The following ZFHX3 variants were observed in gnomAD, a reference collection of about 807,000 sequenced individuals.
ZFHX3 encodes zinc finger homeobox 3, also known as zinc finger homeobox protein 3.
In ZFHX3, 42 loss-of-function variants were observed where a neutral mutation model predicts 279.1. The ratio of observed to expected loss-of-function variants is 0.15; its 90% confidence interval spans 0.12 to 0.19. The LOEUF (loss-of-function observed/expected upper bound fraction) is 0.19, where lower values mean the gene tolerates loss of function less well. ZFHX3 is among the 10% of genes least tolerant of loss of function. The pLI is 1.00. For missense variants in ZFHX3, 4,981 were observed against 4,754.0 expected (o/e 1.05, Z -1.40); for synonymous variants, 2,293 against 1,957.8 (o/e 1.17, Z -4.52).
upstream of ZFHX3, chr16:73,061,833 G>C (rs1371410741): frequency 6.6e-6 from 1 of 152,072 alleles, no homozygotes; most frequent in East Asian, 1.9e-4. Context: ...TGAACTTGCA[G>C]CTTGTTTCTT....
At chr16:73,216,624 T>G (rs191436824) in intron 5 of ZFHX3, among the ~76,000 whole-genome samples, 2 of 152,216 alleles carry the variant, frequency 1.3e-5, no homozygotes, top group East Asian at 3.9e-4. Flanking sequence ...ATCATTTGAC[T>G]ACAAAAGACA....
At chr16:73,216,984 T>C (rs1312513783) in intron 5 of ZFHX3, among the ~76,000 whole-genome samples, 3 of 152,134 alleles carry the variant, frequency 2.0e-5, no homozygotes, top group Non-Finnish European at 2.9e-5. Flanking sequence ...AAGTTCTCCC[T>C]TAGGATTTCA....
chr16:73,061,962 TA>T (rs1965689614), upstream of ZFHX3: 1 of 152,158 alleles, frequency 6.6e-6, no homozygotes, highest in Non-Finnish European at 1.5e-5. Flanking sequence ...ATCTGGTAAA[TA>T]CTTATGCTAA....
chr16:73,606,486 C>CAAAAAAAAAA (rs57861119), intron 2 of ZFHX3, among the ~76,000 whole-genome samples: 1 of 133,792 alleles, frequency 7.5e-6, no homozygotes, highest in African/African-American at 2.8e-5. Flanking sequence ...GACTTTGTCT[C>CAAAAAAAAAA]AAAAAAAAAA....
At chr16:73,266,755 G>A (rs886745154) in intron 4 of ZFHX3, among the ~76,000 whole-genome samples, 4 of 152,226 alleles carry the variant, frequency 2.6e-5, no homozygotes, top group Non-Finnish European at 2.9e-5. Flanking sequence ...CTCAAAAGAT[G>A]TCACGGTTTT....
intron 4 of ZFHX3, among the ~76,000 whole-genome samples, chr16:73,313,057 T>C (rs180908935): frequency 6.6e-6 from 1 of 152,280 alleles, no homozygotes; most frequent in Admixed American, 6.5e-5. Flanking sequence ...GGTGACTGGA[T>C]CATGGGGGCA....
intron 1 of ZFHX3, among the ~76,000 whole-genome samples, chr16:73,883,588 T>C (rs2030248594): frequency 6.6e-6 from 1 of 152,022 alleles, no homozygotes; most frequent in Non-Finnish European, 1.5e-5. Context: ...CTTTCTTCCG[T>C]GTACAAAAAT....
chr16:72,958,320 G>A lies in ZFHX3; in HGVS notation c.1826C>T (p.Thr609Ile). ...NATAPEPNESTEGDDGGFVPH... is the reference protein window; with the variant it reads ...NATAPEPNESIEGDDGGFVPH... The stretch of plus-strand genomic sequence containing the variant: ...AACGAAGCCCCCATCGTCACCCTCT[G>A]TGCTTTCATTTGGTTCTGGTGCTGT... The change falls in exon 2 of 10, where the codon ACA becomes ATA. Residue 609 changes from threonine (T) to isoleucine (I), a missense_variant. Physicochemically the swap from Thr to Ile is moderately conservative, Grantham distance 89. Transcript: ENST00000268489. The A allele has an allele frequency of 6.2e-7, 1 of 1,614,082 alleles. No homozygotes were observed. Among genetic ancestry groups the A allele is most frequent in the African/African-American group, 1.3e-5 (1 of 75,042 alleles).
intron 1 of ZFHX3, among the ~76,000 whole-genome samples, chr16:72,969,484 C>G (rs1962003344): frequency 6.6e-6 from 1 of 152,072 alleles, no homozygotes; most frequent in East Asian, 1.9e-4. Context: ...AAAAGTGATT[C>G]TAAGTAAAAG....
chr16:73,333,802 GACC>G (rs1457280755), intron 3 of ZFHX3, among the ~76,000 whole-genome samples: 1,131 of 42,214 alleles, frequency 0.027, 35 homozygotes, highest in African/African-American at 0.079. Flanking sequence ...CACCCCAAGA[GACC>G]AAAAAAAAAA....
chr16:73,653,503 A>G (rs553754707), intron 2 of ZFHX3, among the ~76,000 whole-genome samples: 34 of 152,324 alleles, frequency 2.2e-4, no homozygotes, highest in African/African-American at 7.5e-4. Flanking sequence ...TGGCTCAACA[A>G]AGGAATCTAA....
chr16:73,281,770 G>C (rs540957761), intron 4 of ZFHX3, among the ~76,000 whole-genome samples: 107 of 152,234 alleles, frequency 7.0e-4, no homozygotes, highest in Non-Finnish European at 9.9e-4. Context: ...AATATGCATA[G>C]CTTTTTATAT....
intron 1 of ZFHX3, among the ~76,000 whole-genome samples, chr16:73,003,298 G>A (rs1229144097): frequency 6.1e-5 from 9 of 146,488 alleles, no homozygotes; most frequent in Non-Finnish European, 1.3e-4. Context: ...CCGGGTATTA[G>A]ACGTAAGATA....
In ZFHX3 at chr16:73,382,801, A is replaced by G. The variant is rs369754426; in HGVS notation, c.-1290-64465T>C. Among the ~76,000 whole-genome samples, 106 of 152,330 alleles carry G rather than the reference A, an allele frequency of 7.0e-4. 1 individual carries two copies. In the South Asian group the frequency reaches 0.015, roughly 21 times the overall value. ...GTGGTAAGACTCTTTTCAACTTTCA[A>G]TAGAAACAAATGTGTGTCTCTGGTT... On this transcript the variant is annotated intron_variant, in intron 3 of 17. Transcript: ENST00000641206.
chr16:72,836,046 C>T (rs2037184516), intron 4 of ZFHX3, among the ~76,000 whole-genome samples: 1 of 152,236 alleles, frequency 6.6e-6, no homozygotes, highest in South Asian at 2.1e-4. Context: ...ACAATAGAAA[C>T]TTTTAACGGA....
chr16:73,876,191 G>T (rs2029941119), intron 1 of ZFHX3, among the ~76,000 whole-genome samples: 1 of 152,190 alleles, frequency 6.6e-6, no homozygotes, highest in Non-Finnish European at 1.5e-5. Flanking sequence ...TTCTGCAGCT[G>T]CTTATCAAAT....
intron 3 of ZFHX3, among the ~76,000 whole-genome samples, chr16:73,345,300 T>G (rs1406670398): frequency 6.6e-6 from 1 of 152,152 alleles, no homozygotes; most frequent in Non-Finnish European, 1.5e-5. Flanking sequence ...TAGGTAAACG[T>G]GTGTCATGGT....
intron 2 of ZFHX3, among the ~76,000 whole-genome samples, chr16:73,510,145 C>T (rs2019403765): frequency 6.6e-6 from 1 of 152,164 alleles, no homozygotes; most frequent in South Asian, 2.1e-4. Flanking sequence ...TCTGAGAAGA[C>T]ACCCCTGATC....
chr16:73,253,975 G>C (rs1372386879), intron 5 of ZFHX3, among the ~76,000 whole-genome samples: 4 of 152,144 alleles, frequency 2.6e-5, no homozygotes, highest in African/African-American at 4.8e-5. Flanking sequence ...CTCCATCTAA[G>C]ATAAGCTGCT....
Sources: gnomAD v4.1 joint callset for allele counts (sites outside exome capture counted in the v4.1 genomes callset) on GRCh38, gnomAD v4.1.1 for gene constraint, MANE v1.5 for transcripts, NCBI Gene and HGNC (gene_info 2026-07-23, HGNC 2026-07-21) for gene names.